AUTS2: variants seen among roughly 807,000 people sequenced by gnomAD.
AUTS2 encodes autism susceptibility gene 2 protein.
Under a neutral mutation model 112.4 loss-of-function variants are expected in AUTS2, and 17 were observed. That is an observed-to-expected ratio of 0.15 (90% confidence interval 0.10 to 0.23). The LOEUF (loss-of-function observed/expected upper bound fraction) is 0.23, where lower values mean the gene tolerates loss of function less well. AUTS2 is among the 10% of genes least tolerant of loss of function. The pLI is 1.00. For synonymous variants in AUTS2, 751 were observed against 702.7 expected (o/e 1.07, Z -1.09); for missense variants, 1,510 against 1,701.6 (o/e 0.89, Z 1.98).
intron 4 of AUTS2, among the ~76,000 whole-genome samples, chr7:70,371,645 T>G (rs1341526307): frequency 6.6e-6 from 1 of 152,226 alleles, no homozygotes; most frequent in African/African-American, 2.4e-5. Flanking sequence ...TTTATTTCAA[T>G]GATTTCAATC....
At chr7:70,206,359 CTA>C (rs1810574487) in intron 4 of AUTS2, among the ~76,000 whole-genome samples, 1 of 151,850 alleles carries the variant, frequency 6.6e-6, no homozygotes, top group South Asian at 2.1e-4. Flanking sequence ...CAGACCTTTT[CTA>C]TCTGTTTTTT....
intron 4 of AUTS2, among the ~76,000 whole-genome samples, chr7:70,339,128 G>T (rs1791139196): frequency 6.6e-6 from 1 of 152,088 alleles, no homozygotes; most frequent in Non-Finnish European, 1.5e-5. Flanking sequence ...CTCCCAAAGT[G>T]CTGGGATTAC....
intron 6 of AUTS2, among the ~76,000 whole-genome samples, chr7:70,731,817 G>C (rs888845191): frequency 6.6e-6 from 1 of 150,654 alleles, no homozygotes; most frequent in Non-Finnish European, 1.5e-5. Flanking sequence ...CATCCCCCCC[G>C]CACAAATAGA....
intron 1 of AUTS2, among the ~76,000 whole-genome samples, chr7:69,764,618 G>A (rs1788340794): frequency 6.6e-6 from 1 of 152,108 alleles, no homozygotes; most frequent in Non-Finnish European, 1.5e-5. Context: ...TAGTACCTTG[G>A]CATTCTAGCC....
intron 17 of AUTS2, among the ~76,000 whole-genome samples, chr7:70,786,394 T>G (rs529890424): frequency 6.6e-6 from 1 of 152,272 alleles, no homozygotes; most frequent in South Asian, 2.1e-4. Context: ...ATTGTTACAT[T>G]TCATCTTGCC....
At chr7:69,836,217 T>C (rs1274298077) in intron 1 of AUTS2, among the ~76,000 whole-genome samples, 1 of 152,184 alleles carries the variant, frequency 6.6e-6, no homozygotes, top group Non-Finnish European at 1.5e-5. Context: ...AGATTTCTGC[T>C]CAGATTAGCT....
rs377394252 is a variant in AUTS2, at chr7:70,134,609, T to C, written c.660+38T>C. 83 of 1,596,990 alleles carry C rather than the reference T, an allele frequency of 5.2e-5. No homozygotes were observed. In the African/African-American group the frequency reaches 9.7e-4, roughly 19 times the overall value. Reference sequence around the variant, plus strand: ...CAACTTCCACATATGTGCCTTGCATTGGCATTGATTTCCTTCTATAATGAA... The same window carrying C: ...CAACTTCCACATATGTGCCTTGCATCGGCATTGATTTCCTTCTATAATGAA... On this transcript the variant is annotated intron_variant, in intron 4 of 18. Coordinates refer to ENST00000342771, the MANE Select transcript of AUTS2 (RefSeq NM_015570.4).
intron 4 of AUTS2, among the ~76,000 whole-genome samples, chr7:70,432,847 T>G (rs1795733329): frequency 6.6e-6 from 1 of 152,122 alleles, no homozygotes; most frequent in African/African-American, 2.4e-5. Flanking sequence ...CTCAGGTCAG[T>G]ATGGGAATTT....
chr7:69,626,756 G>T (rs1345599258), intron 1 of AUTS2, among the ~76,000 whole-genome samples: 1 of 151,922 alleles, frequency 6.6e-6, no homozygotes, highest in African/African-American at 2.4e-5. Flanking sequence ...CCCCCATAAG[G>T]GCAGTTTCTT....
In AUTS2 at chr7:69,787,365, C is replaced by T. The variant is rs183461548; in HGVS notation, c.310-111921C>T. ...TCTTTTTCTGTCATAGAAAGATAGCCTAGTTTTACCAGAGAGGAGAAATTC... is the reference window on the plus strand; with the variant it reads ...TCTTTTTCTGTCATAGAAAGATAGCTTAGTTTTACCAGAGAGGAGAAATTC... On this transcript the variant is annotated intron_variant, in intron 1 of 18. Coordinates refer to ENST00000342771, the MANE Select transcript of AUTS2 (RefSeq NM_015570.4). 5.9e-5 allele frequency among the ~76,000 whole-genome samples: 9 copies of T among 152,256 alleles called. 1 individual carries two copies. The East Asian group carries it at 1.7e-3, about 29-fold the overall frequency.
At chr7:69,822,360 G>C (rs907810403) in intron 1 of AUTS2, among the ~76,000 whole-genome samples, 53 of 152,188 alleles carry the variant, frequency 3.5e-4, no homozygotes, top group Admixed American at 9.8e-4. Context: ...GCTCACACCT[G>C]TAGTGGCTCA....
At chr7:70,222,458 G>C (rs1003915507) in intron 4 of AUTS2, among the ~76,000 whole-genome samples, 1 of 152,056 alleles carries the variant, frequency 6.6e-6, no homozygotes, top group Non-Finnish European at 1.5e-5. Flanking sequence ...GAGAATTTAA[G>C]GACTATTTTT....
intron 1 of AUTS2, among the ~76,000 whole-genome samples, chr7:69,801,458 A>T (rs1790077980): frequency 6.7e-6 from 1 of 149,684 alleles, no homozygotes; most frequent in South Asian, 2.1e-4. Context: ...TATAAATAAG[A>T]TATACCTATA....
intron 4 of AUTS2, among the ~76,000 whole-genome samples, chr7:70,312,886 A>AGTAGTAATAGTCC (rs1789824929): frequency 6.6e-6 from 1 of 152,216 alleles, no homozygotes; most frequent in Non-Finnish European, 1.5e-5. Flanking sequence ...TAATGTCTTG[A>AGTAGTAATAGTCC]ACAGTGTAGG....
At chr7:70,405,774 C>T (rs913125242) in intron 4 of AUTS2, among the ~76,000 whole-genome samples, 9 of 152,194 alleles carry the variant, frequency 5.9e-5, no homozygotes, top group East Asian at 1.9e-4. Flanking sequence ...AAATCCTCTC[C>T]GTGCCACATA....
chr7:70,621,030 C>T (rs567691731), intron 5 of AUTS2, among the ~76,000 whole-genome samples: 195 of 152,288 alleles, frequency 1.3e-3, no homozygotes, highest in African/African-American at 4.1e-3. Flanking sequence ...CGCGGTATGG[C>T]GGCGGTGGGG....
At chr7:69,654,810 G>A (rs1343856198) in intron 1 of AUTS2, among the ~76,000 whole-genome samples, 2 of 152,006 alleles carry the variant, frequency 1.3e-5, no homozygotes, top group African/African-American at 4.8e-5. Flanking sequence ...CTTTGATGAT[G>A]GCAACTGTGT....
At chr7:69,907,987 A>G (rs1225720310) in intron 2 of AUTS2, among the ~76,000 whole-genome samples, 1 of 152,200 alleles carries the variant, frequency 6.6e-6, no homozygotes, top group Non-Finnish European at 1.5e-5. Context: ...TTTATTGCCC[A>G]TAGCTTTGCA....
intron 2 of AUTS2, among the ~76,000 whole-genome samples, chr7:70,043,810 T>C (rs898780357): frequency 1.3e-5 from 2 of 152,054 alleles, no homozygotes; most frequent in African/African-American, 4.8e-5. Flanking sequence ...GGTTTCTCTA[T>C]GTTGGTCAGG....
Sources: allele counts gnomAD v4.1 joint callset (sites outside exome capture counted in the v4.1 genomes callset), GRCh38; gene constraint gnomAD v4.1.1; transcripts MANE v1.5; gene names NCBI Gene and HGNC (gene_info 2026-07-23, HGNC 2026-07-21).